Variants in WWOX observed in about 807,000 individuals in gnomAD.
WWOX encodes WW domain containing oxidoreductase.
WWOX carries 69 observed loss-of-function variants against 46.2 expected under a neutral mutation model. That is an observed-to-expected ratio of 1.49 (90% confidence interval 1.23 to 1.82). The LOEUF (loss-of-function observed/expected upper bound fraction) is 1.82, where lower values mean the gene tolerates loss of function less well. Among genes scored for constraint, WWOX ranks in the 40% most tolerant of loss-of-function variants. The pLI, the probability that WWOX is intolerant of heterozygous loss-of-function variation, is 0.00. For synonymous variants in WWOX, 359 were observed against 202.6 expected, an observed-to-expected ratio of 1.77 and a Z score of -6.56; for missense variants, 919 against 542.6, an observed-to-expected ratio of 1.69 and a Z score of -6.89.
At chr16:78,320,365 G>A (rs1332872711) in intron 5 of WWOX, among the ~76,000 whole-genome samples, 1 of 152,118 alleles carries the variant, frequency 6.6e-6, no homozygotes, top group Non-Finnish European at 1.5e-5. Context: ...TCTGTATCTG[G>A]GGGTAGTTAG....
At chr16:78,499,933 A>T (rs2085019451) in intron 8 of WWOX, among the ~76,000 whole-genome samples, 1 of 152,182 alleles carries the variant, frequency 6.6e-6, no homozygotes, top group Non-Finnish European at 1.5e-5. Flanking sequence ...ATTAAGTAGT[A>T]CCAAATGGTC....
intron 8 of WWOX, among the ~76,000 whole-genome samples, chr16:78,641,479 T>G (rs2046709703): frequency 6.6e-6 from 1 of 151,920 alleles, no homozygotes; most frequent in Non-Finnish European, 1.5e-5. Flanking sequence ...CCCAATCCCC[T>G]CTCACGCCCC....
rs531523873 is a variant in WWOX, at chr16:78,739,535, G to C, written c.1056+306783G>C. Among the ~76,000 whole-genome samples the C allele has an allele frequency of 1.6e-4, 25 of 152,280 alleles. No individual in the cohort carries two copies. The South Asian group carries it at 4.6e-3, about 28-fold the overall frequency. The stretch of plus-strand genomic sequence containing the variant: ...TGAGTGTAAAGAAATTCCTTGGCTG[G>C]GCATGGTGGCTCACGCCTGTAATCC... On this transcript the variant is annotated intron_variant, in intron 8 of 8. Coordinates refer to ENST00000566780, the MANE Select transcript of WWOX (RefSeq NM_016373.4).
At chr16:78,586,209 T>A (rs1469480676) in intron 8 of WWOX, among the ~76,000 whole-genome samples, 1 of 152,122 alleles carries the variant, frequency 6.6e-6, no homozygotes. Context: ...AAAGAAACAT[T>A]TAATTAAAAA....
chr16:78,443,658 T>C (rs540146534), intron 8 of WWOX, among the ~76,000 whole-genome samples: 1 of 152,330 alleles, frequency 6.6e-6, no homozygotes, highest in South Asian at 2.1e-4. Flanking sequence ...TGTAACAAAT[T>C]ATTTAATGAA....
At chr16:78,466,387 C>T (rs1292902173) in intron 8 of WWOX, among the ~76,000 whole-genome samples, 1 of 152,126 alleles carries the variant, frequency 6.6e-6, no homozygotes, top group Non-Finnish European at 1.5e-5. Flanking sequence ...GAGGTGATAG[C>T]TCTACAACAC....
chr16:78,234,688 G>A (rs2037379436), intron 5 of WWOX, among the ~76,000 whole-genome samples: 1 of 151,932 alleles, frequency 6.6e-6, no homozygotes, highest in Non-Finnish European at 1.5e-5. Flanking sequence ...ATTTTATTAT[G>A]CATTGACCAC....
intron 8 of WWOX, among the ~76,000 whole-genome samples, chr16:78,520,545 A>G (rs1597205393): frequency 6.7e-6 from 1 of 150,308 alleles, no homozygotes; most frequent in Non-Finnish European, 1.5e-5. Flanking sequence ...GTCGTCTTGG[A>G]TGCTCAGCAC....
chr16:78,834,763 A>T (rs1015329677), intron 8 of WWOX, among the ~76,000 whole-genome samples: 2 of 152,316 alleles, frequency 1.3e-5, no homozygotes, highest in East Asian at 1.9e-4. Context: ...TAACTTCAGG[A>T]TGTTGCGTAT....
At chr16:78,210,641 G>T (rs932367033) in intron 5 of WWOX, among the ~76,000 whole-genome samples, 4 of 152,146 alleles carry the variant, frequency 2.6e-5, no homozygotes, top group Admixed American at 1.3e-4. Context: ...GAGCCACTTT[G>T]GGGCTTGTTT....
At chr16:79,139,995 C>T (rs1231501616) in intron 8 of WWOX, among the ~76,000 whole-genome samples, 2 of 152,132 alleles carry the variant, frequency 1.3e-5, no homozygotes, top group Non-Finnish European at 2.9e-5. Flanking sequence ...GGCAGCCGAC[C>T]ACAGTTCCAG....
At chr16:78,984,043 AT>A (rs112115919) in intron 8 of WWOX, among the ~76,000 whole-genome samples, 8 of 150,668 alleles carry the variant, frequency 5.3e-5, no homozygotes, top group Admixed American at 4.0e-4. Flanking sequence ...ATGCCCGGCT[AT>A]TTTTTTTGTA....
At chr16:78,665,919 A>C (rs148104673) in intron 8 of WWOX, among the ~76,000 whole-genome samples, 5,559 of 151,944 alleles carry the variant, frequency 0.037, 145 homozygotes, top group Non-Finnish European at 0.058. Context: ...TCCTGACTTC[A>C]AGTGATCTGC....
At chr16:78,574,753 C>G (rs1225156616) in intron 8 of WWOX, among the ~76,000 whole-genome samples, 1 of 150,900 alleles carries the variant, frequency 6.6e-6, no homozygotes, top group Admixed American at 6.6e-5. Context: ...AAAAACCAAG[C>G]TCATAGAATA....
At chr16:78,748,005 C>T (rs947198878) in intron 8 of WWOX, among the ~76,000 whole-genome samples, 3 of 152,180 alleles carry the variant, frequency 2.0e-5, no homozygotes, top group African/African-American at 7.2e-5. Flanking sequence ...ACTCCAAGTC[C>T]ATCTGCGCCG....
chr16:78,827,358 A>C (rs2051685734), intron 8 of WWOX, among the ~76,000 whole-genome samples: 1 of 152,064 alleles, frequency 6.6e-6, no homozygotes, highest in Non-Finnish European at 1.5e-5. Context: ...CAGATGAGGA[A>C]GGTAAGGCTC....
intron 8 of WWOX, among the ~76,000 whole-genome samples, chr16:78,676,509 A>G (rs564171134): frequency 6.6e-6 from 1 of 151,942 alleles, no homozygotes; most frequent in East Asian, 1.9e-4. Flanking sequence ...TTTCATCACC[A>G]GGAAAGCACA....
chr16:78,892,220 G>C (rs183211679), intron 8 of WWOX: 1 of 152,120 alleles, frequency 6.6e-6, no homozygotes, highest in African/African-American at 2.4e-5. Context: ...AGAAGAGGAA[G>C]TCAACCATTA....
intron 8 of WWOX, among the ~76,000 whole-genome samples, chr16:78,973,858 A>C (rs2046519976): frequency 6.6e-6 from 1 of 152,232 alleles, no homozygotes; most frequent in Non-Finnish European, 1.5e-5. Flanking sequence ...TTCCCTTGGA[A>C]AACGGAAATT....
Sources: allele counts gnomAD v4.1 joint callset (sites outside exome capture counted in the v4.1 genomes callset), GRCh38; gene constraint gnomAD v4.1.1; transcripts MANE v1.5; gene names NCBI Gene and HGNC (gene_info 2026-07-23, HGNC 2026-07-21).